KIAA1549: variants seen among roughly 807,000 people sequenced by gnomAD.
KIAA1549 encodes UPF0606 protein KIAA1549.
KIAA1549 carries 70 observed loss-of-function variants against 156.4 expected under a neutral mutation model. The observed-to-expected ratio is 0.45, with a 90% confidence interval of 0.37 to 0.55. The LOEUF is 0.55. Ranked by LOEUF, KIAA1549 falls within the 20% of genes least tolerant of loss-of-function variation. KIAA1549 has a pLI of 0.00. For missense variants in KIAA1549, 2,428 were observed against 2,540.9 expected (o/e 0.96, Z 0.96); for synonymous variants, 1,103 against 1,066.4 (o/e 1.03, Z -0.67).
chr7:138,883,788 C>T (rs1284748819), intron 10 of KIAA1549, among the ~76,000 whole-genome samples: 4 of 152,194 alleles, frequency 2.6e-5, no homozygotes, highest in Non-Finnish European at 5.9e-5. Context: ...AAAAGCAAAC[C>T]GAAGCCTTCC....
Position 138,869,588 on chromosome 7 carries a change from G to C in KIAA1549, c.4725C>G (p.Ile1575Met). The C allele has an allele frequency of 6.3e-7, 1 of 1,598,754 alleles. No individual in the cohort carries two copies. The highest frequency in any genetic ancestry group is 8.5e-7 in the Non-Finnish European group (1 of 1,174,084). Residue 1575 changes from isoleucine to methionine, a missense_variant, in exon 14 of 20, where the codon ATC (isoleucine) becomes ATG (methionine). Around this residue, in one of 5 missense-constraint regions of KIAA1549, gnomAD observed 404 missense variants for 417.0 expected, o/e 0.97. Transcript: ENST00000422774. ...YRRAQMQIDKILDPTASVPSV... is the reference protein window; with the variant it reads ...YRRAQMQIDKMLDPTASVPSV... ...AGGGCACGCTGGCCGTGGGGTCCAG[G>C]ATCTTGTCGATCTGCATCTGTGCCC...
intron 1 of KIAA1549, among the ~76,000 whole-genome samples, chr7:138,954,270 G>A (rs512167): frequency 0.42 from 64,141 of 151,996 alleles, 17,777 homozygotes; most frequent in African/African-American, 0.8. Flanking sequence ...TAGAAAATTG[G>A]GGAACCTGGG....
At chr7:138,951,563 C>T (rs1200169838) in intron 1 of KIAA1549, among the ~76,000 whole-genome samples, 1 of 152,182 alleles carries the variant, frequency 6.6e-6, no homozygotes, top group Non-Finnish European at 1.5e-5. Context: ...GCTCCCCAAT[C>T]GTGCTGGCTT....
At chr7:138,859,368 C>T (rs1319513170) in intron 16 of KIAA1549, among the ~76,000 whole-genome samples, 1 of 152,152 alleles carries the variant, frequency 6.6e-6, no homozygotes, top group African/African-American at 2.4e-5. Flanking sequence ...GGGGAGGACA[C>T]AGTTCAATCC....
At chr7:138,873,362 G>C (rs1369397937) in intron 12 of KIAA1549, among the ~76,000 whole-genome samples, 1 of 152,102 alleles carries the variant, frequency 6.6e-6, no homozygotes, top group South Asian at 2.1e-4. Context: ...TTGTGCAATG[G>C]AAGCACAGCC....
At chr7:138,973,498 C>G (rs1227918243) in intron 1 of KIAA1549, among the ~76,000 whole-genome samples, 1 of 152,148 alleles carries the variant, frequency 6.6e-6, no homozygotes, top group East Asian at 1.9e-4. Flanking sequence ...ATGGTCAGTT[C>G]CTCTGTATGC....
rs1584735480 is a variant in KIAA1549 at position 138,892,961 on chromosome 7, T to C, written c.4032+1381A>G. Among the ~76,000 whole-genome samples, 4 of 152,320 alleles carry C rather than the reference T, an allele frequency of 2.6e-5. No individual in the cohort carries two copies. In the South Asian group the frequency reaches 8.3e-4, roughly 32 times the overall value. On this transcript the variant is annotated intron_variant, in intron 10 of 19. Coordinates refer to ENST00000422774, the MANE Select transcript of KIAA1549 (RefSeq NM_001164665.2). ...GAAAGTGCATGTTAATCCAGCAGAC[T>C]GTTAGTAACAGTGGACTGACTACCA...
At chr7:138,896,511 G>T (rs983945513) in intron 9 of KIAA1549, among the ~76,000 whole-genome samples, 1 of 152,056 alleles carries the variant, frequency 6.6e-6, no homozygotes. Flanking sequence ...TAAAAGCAAC[G>T]GACAATATAG....
intron 9 of KIAA1549, among the ~76,000 whole-genome samples, chr7:138,895,468 T>C (rs1811658591): frequency 2.0e-5 from 3 of 152,294 alleles, no homozygotes; most frequent in South Asian, 2.1e-4. Flanking sequence ...GGAAATTCTA[T>C]ACATGCTGCT....
intron 8 of KIAA1549, among the ~76,000 whole-genome samples, chr7:138,899,475 C>T (rs1193731750): frequency 2.0e-5 from 3 of 152,326 alleles, no homozygotes; most frequent in East Asian, 1.9e-4. Flanking sequence ...AAGAGAGCAT[C>T]ATCCTCCCAA....
At chr7:138,911,391 A>T in intron 3 of KIAA1549, 68 bp from the exon 4 acceptor site, 1 of 1,216,908 alleles carries the variant, frequency 8.2e-7, no homozygotes, top group South Asian at 1.5e-5. Flanking sequence ...AAAAATAAAA[A>T]ATTATAAACT....
Position 138,910,445 on chromosome 7 carries a change from T to C in KIAA1549, c.3145+701A>G, listed in dbSNP as rs191732700. ...TAGGGTCTCACTCTGTTGTCCAAGC[T>C]GGAGTGCAGTGGCACGATCTCGTCT... On this transcript the variant is annotated intron_variant, in intron 4 of 19. Transcript: ENST00000422774. 6.0e-3 allele frequency among the ~76,000 whole-genome samples: 901 copies of C among 149,878 alleles called. 3 individuals carry two copies. The highest frequency in any genetic ancestry group is 8.7e-3 in the Non-Finnish European group (586 of 67,604).
Position 138,906,899 on chromosome 7 carries a change from T to C in KIAA1549, c.3460+20A>G. ...TGCCCGCCATCACCTCCCCAGCATGTCCAAGAGGGCTGTACTCACGCTCTG... is the reference window on the plus strand; with the variant it reads ...TGCCCGCCATCACCTCCCCAGCATGCCCAAGAGGGCTGTACTCACGCTCTG... On this transcript the variant is annotated intron_variant, in intron 6 of 19. Coordinates refer to ENST00000422774, the MANE Select transcript of KIAA1549 (RefSeq NM_001164665.2). The C allele has an allele frequency of 6.8e-7, 1 of 1,463,748 alleles. No individual in the cohort carries two copies. Among genetic ancestry groups the C allele is most frequent in the South Asian group, 1.5e-5 (1 of 64,900 alleles). The allele number at this position is 1,463,748 out of a possible 1,614,324, so 90.7% of individuals were successfully genotyped here.
chr7:138,883,008 T>C (rs1811285841), intron 10 of KIAA1549, among the ~76,000 whole-genome samples: 1 of 148,280 alleles, frequency 6.7e-6, no homozygotes, highest in Admixed American at 6.8e-5. Context: ...TCCCAGCATT[T>C]CGGGAGGCTG....
intron 1 of KIAA1549, among the ~76,000 whole-genome samples, chr7:138,923,863 T>C (rs963824067): frequency 6.6e-6 from 1 of 152,202 alleles, no homozygotes; most frequent in African/African-American, 2.4e-5. Context: ...TTTAGTGCCA[T>C]AGATAAAATA....
intron 10 of KIAA1549, among the ~76,000 whole-genome samples, chr7:138,887,004 C>A (rs754087489): frequency 5.3e-5 from 8 of 152,040 alleles, no homozygotes; most frequent in Non-Finnish European, 1.0e-4. Flanking sequence ...TGGGTTCAAG[C>A]AATTCTCCTG....
At chr7:138,874,290 A>G (rs563872909) in intron 12 of KIAA1549, among the ~76,000 whole-genome samples, 2 of 152,102 alleles carry the variant, frequency 1.3e-5, no homozygotes, top group Admixed American at 6.6e-5. Flanking sequence ...GTAATGATAT[A>G]AATTTTACTA....
At chr7:138,849,284 C>A (rs1423851941) in intron 17 of KIAA1549, among the ~76,000 whole-genome samples, 1 of 151,980 alleles carries the variant, frequency 6.6e-6, no homozygotes, top group Admixed American at 6.6e-5. Flanking sequence ...CTTCCATCTA[C>A]TTCCTTTACA....
At chr7:138,958,077 T>C (rs1210894857) in intron 1 of KIAA1549, among the ~76,000 whole-genome samples, 1 of 152,268 alleles carries the variant, frequency 6.6e-6, no homozygotes, top group Non-Finnish European at 1.5e-5. Flanking sequence ...CATATTTGTC[T>C]TTCCTCGTCT....
Sources: allele counts gnomAD v4.1 joint callset (sites outside exome capture counted in the v4.1 genomes callset), GRCh38; gene constraint gnomAD v4.1.1; regional missense constraint gnomAD v4.1.1; transcripts MANE v1.5; gene names NCBI Gene and HGNC (gene_info 2026-07-23, HGNC 2026-07-21).